Variants in HSD11B1L observed in about 807,000 individuals in gnomAD.
The protein encoded by HSD11B1L is hydroxysteroid 11-beta-dehydrogenase 1-like protein.
A neutral mutation model predicts 27.0 loss-of-function variants in HSD11B1L; 22 were observed. The observed-to-expected ratio is 0.81, with a 90% CI of 0.58 to 1.16. The LOEUF is 1.16. HSD11B1L is among the 50% of genes most tolerant of loss of function. The probability of loss-of-function intolerance (pLI) is 0.00; values close to 1 mark genes in which losing one functional copy is unlikely to be tolerated. For missense variants in HSD11B1L, 372 were observed against 401.8 expected (o/e 0.93, Z 0.63); for synonymous variants, 187 against 189.2 (o/e 0.99, Z 0.09).
Position 5,687,970 on chromosome 19 carries a change from C to G in HSD11B1L, c.*25C>G. ...AGCACCGGGGGGTGCCCCTCCAGTC[C>G]CAGACGGCAATGTTCCTCCCTCCAA... On this transcript the variant is annotated 3_prime_UTR_variant, in exon 8 of 8. Coordinates refer to ENST00000339423, the MANE Select transcript of HSD11B1L (RefSeq NM_198706.3). This position sits in a 1 kb window ranked among gnomAD's most constrained non-coding sequence, Gnocchi z 6.6. The G allele has an allele frequency of 6.4e-7, 1 of 1,554,718 alleles. No individual in the cohort carries two copies. Among genetic ancestry groups the G allele is most frequent in the South Asian group, 1.2e-5 (1 of 84,760 alleles).
In HSD11B1L at chr19:5,688,109, C is replaced by A. The variant is rs768445779; in HGVS notation, c.*164C>A. 10 of 1,551,516 alleles carry A rather than the reference C, an allele frequency of 6.4e-6. No individual in the cohort carries two copies. The South Asian group carries it at 1.2e-4, about 18-fold the overall frequency. On this transcript the variant is annotated 3_prime_UTR_variant, in exon 8 of 8. Transcript: ENST00000339423. ...CGAGAAAAACGACGGGCACCTGGAA[C>A]CAGTCACGGCTTGGGAGGTGCAGGT...
rs564130698 is a variant in HSD11B1L at position 5,685,506 on chromosome 19, G to T, written c.204+387G>T. The T allele has an allele frequency of 1.3e-4, 41 of 309,834 alleles. 1 individual carries two copies. Among genetic ancestry groups the T allele is most frequent in the South Asian group, 9.8e-4 (37 of 37,588 alleles). The allele number at this position is 309,834 out of a possible 1,614,324, so 19.2% of individuals were successfully genotyped here. ...GCGGATGGATCACTTGAGGTCAGGA[G>T]TTCAAAACCAGCCTGGCCAACATGG... On this transcript the variant is annotated intron_variant, in intron 3 of 7. Transcript: ENST00000339423. This position sits in a 1 kb window ranked among gnomAD's most constrained non-coding sequence, Gnocchi z 4.3.
intron 1 of HSD11B1L, among the ~76,000 whole-genome samples, chr19:5,683,324 G>T (rs1048847688): frequency 6.6e-6 from 1 of 151,410 alleles, no homozygotes; most frequent in East Asian, 1.9e-4. Flanking sequence ...TCTGGATGAC[G>T]CAGGCACCTC....
At chr19:5,683,023 G>C (rs888643025) in intron 1 of HSD11B1L, among the ~76,000 whole-genome samples, 1 of 151,734 alleles carries the variant, frequency 6.6e-6, no homozygotes, top group Non-Finnish European at 1.5e-5. Flanking sequence ...TCCATTGGCT[G>C]GGATCACAGG....
Position 5,687,422 on chromosome 19 carries a change from C to T in HSD11B1L, c.502+47C>T. 1 of 1,602,988 alleles carries T rather than the reference C, an allele frequency of 6.2e-7. No homozygotes were observed. The highest frequency in any genetic ancestry group is 8.5e-7 in the Non-Finnish European group (1 of 1,177,710). ...TCTGCGGGACGGGGAGTGGGGAGCT[C>T]GATGCGGGTGAGCCTGGAGGGTCTG... On this transcript the variant is annotated intron_variant, in intron 6 of 7. Coordinates refer to ENST00000339423, the MANE Select transcript of HSD11B1L (RefSeq NM_198706.3). This position sits in a 1 kb window ranked among gnomAD's most constrained non-coding sequence, Gnocchi z 6.6.
chr19:5,684,316 G>T, intron 1 of HSD11B1L: 1 of 334,378 alleles, frequency 3.0e-6, no homozygotes, highest in East Asian at 4.7e-5. Context: ...ACATCCAGCT[G>T]AAGGAGGTCA....
chr19:5,686,383 G>A (rs1355835654), intron 3 of HSD11B1L, 33 bp from the exon 4 acceptor site: 2 of 1,438,022 alleles, frequency 1.4e-6, no homozygotes, highest in Admixed American at 2.2e-5. Context: ...TGCTGTAGAG[G>A]AGAGGCCCAC....
At position 5,686,972 on chromosome 19, in the gene HSD11B1L, CA is replaced by C. The variant is rs1367564581; in HGVS notation, c.391del (p.Thr131LeufsTer7). 7 of 1,549,846 alleles carry C rather than the reference CA, an allele frequency of 4.5e-6. No individual in the cohort carries two copies. In the East Asian group the frequency reaches 1.7e-4, roughly 38 times the overall value. ...GGCACGCGAGCCCGCAGCCCCCAGG[CA>C]ACTCGCTGGCTCATGCAGGTGCTCC... ...PAGTRARSPQ[A>X]TRWLMQVNFV... On this transcript the variant is annotated frameshift_variant, in exon 5 of 8. Transcript: ENST00000339423. LOFTEE classifies it high-confidence loss of function.
rs765889177 is a variant in HSD11B1L at position 5,685,084 on chromosome 19, G to A, written c.169G>A (p.Val57Met). 1.0e-5 allele frequency: 16 copies of A among 1,551,148 alleles called. No individual in the cohort carries two copies. Among genetic ancestry groups the A allele is most frequent in the Non-Finnish European group, 1.4e-5 (16 of 1,147,674 alleles). ...CTACGCGCGTCTGGGCTCCCACCTG[G>A]TGCTCACTGCCCACACTGAGGCTCT... The part of the protein sequence containing the change: ...YHYARLGSHL[V>M]LTAHTEALLQ... The change falls in exon 3 of 8, where the codon GTG (valine) becomes ATG (methionine). Residue 57 changes from valine (V) to methionine (M), a missense_variant. Transcript: ENST00000339423. The surrounding 1 kb of genome is among the most constrained non-coding windows in gnomAD (Gnocchi z 4.3).
At chr19:5,684,218 G>A (rs910934648) in intron 1 of HSD11B1L, 34 of 350,744 alleles carry the variant, frequency 9.7e-5, no homozygotes, top group Admixed American at 3.8e-4. Context: ...GTTTCACCAT[G>A]TTGGCCAGGC....
rs754458782 is a variant in HSD11B1L at position 5,687,546 on chromosome 19, G to C, written c.546G>C (p.Lys182Asn). 6.3e-7 allele frequency: 1 copy of C among 1,599,868 alleles called. No individual in the cohort carries two copies. Among genetic ancestry groups the C allele is most frequent in the African/African-American group, 1.3e-5 (1 of 74,890 alleles). ...TSFSTPYSAAKFALDGFFGSL... is the reference protein window; with the variant it reads ...TSFSTPYSAANFALDGFFGSL... ...TCTCCACTCCCTACTCGGCGGCCAAGTTTGCGCTGGACGGCTTCTTCGGCT... is the reference window on the plus strand; with the variant it reads ...TCTCCACTCCCTACTCGGCGGCCAACTTTGCGCTGGACGGCTTCTTCGGCT... The change falls in exon 7 of 8, where the codon AAG becomes AAC. Residue 182 changes from lysine (K) to asparagine (N), a missense_variant. Coordinates refer to ENST00000339423, the MANE Select transcript of HSD11B1L (RefSeq NM_198706.3). This position sits in a 1 kb window ranked among gnomAD's most constrained non-coding sequence, Gnocchi z 6.6.
At position 5,686,412 on chromosome 19, in the gene HSD11B1L, C is replaced by G. The variant is rs749410243; in HGVS notation, c.205-4C>G. On this transcript the variant is annotated splice_polypyrimidine_tract_variant and splice_region_variant and intron_variant, in intron 3 of 7. Coordinates refer to ENST00000339423, the MANE Select transcript of HSD11B1L (RefSeq NM_198706.3). ...GGCCCACGGGCAGCTCTGGCCCCCC[C>G]CAGGTGGTAGGGAACTGCCGGAAGC... 7 of 1,560,564 alleles carry G rather than the reference C, an allele frequency of 4.5e-6. No homozygotes were observed. Among genetic ancestry groups the G allele is most frequent in the South Asian group, 1.2e-5 (1 of 84,516 alleles).
rs2054734029 is a variant in HSD11B1L at position 5,687,537 on chromosome 19, G to A, written c.537G>A (p.Ser179=). Residue 179 remains serine (S), a synonymous_variant, in exon 7 of 8, where the codon TCG becomes TCA. Coordinates refer to ENST00000339423, the MANE Select transcript of HSD11B1L (RefSeq NM_198706.3). The surrounding 1 kb of genome is among the most constrained non-coding windows in gnomAD (Gnocchi z 6.6). ...CCACGTCGTTCTCCACTCCCTACTC[G>A]GCGGCCAAGTTTGCGCTGGACGGCT... ...RVPTSFSTPY[S]AAKFALDGFF... The A allele has an allele frequency of 6.3e-7, 1 of 1,599,828 alleles. No homozygotes were observed.
At chr19:5,683,538 C>T (rs1036782735) in intron 1 of HSD11B1L, among the ~76,000 whole-genome samples, 4 of 152,316 alleles carry the variant, frequency 2.6e-5, no homozygotes, top group African/African-American at 9.6e-5. Context: ...ATTTCCATTT[C>T]CTTCCTGCCC....
At chr19:5,686,663 C>T (rs1406187123) in intron 4 of HSD11B1L, 136 bp downstream of exon 4, 4 of 704,826 alleles carry the variant, frequency 5.7e-6, no homozygotes, top group Non-Finnish European at 7.0e-6. Flanking sequence ...GGGGCGTGGG[C>T]GGGGTGGAGT....
Position 5,685,316 on chromosome 19 carries a change from G to A in HSD11B1L, c.204+197G>A, listed in dbSNP as rs1022052231. On this transcript the variant is annotated intron_variant, in intron 3 of 7. Transcript: ENST00000339423. This position sits in a 1 kb window ranked among gnomAD's most constrained non-coding sequence, Gnocchi z 4.3. ...TTTCTGGCCAGGCACGGTGGCTCAC[G>A]CTTGTAGTCAGCACTTTGGGAGGCC... 1.6e-5 allele frequency: 12 copies of A among 765,352 alleles called. No homozygotes were observed. Among genetic ancestry groups the A allele is most frequent in the East Asian group, 2.7e-5 (1 of 36,714 alleles). The allele number at this position is 765,352 out of a possible 1,614,324, so 47.4% of individuals were successfully genotyped here. A position where few individuals can be genotyped will look rare whatever the true frequency, so the allele number is the denominator to read the frequency against.
chr19:5,687,700 G>C lies in HSD11B1L; in HGVS notation c.668+32G>C. On this transcript the variant is annotated intron_variant, in intron 7 of 7. Transcript: ENST00000339423. The surrounding 1 kb of genome is among the most constrained non-coding windows in gnomAD (Gnocchi z 6.6). ...CCCGGACAAGCTGGGGGCTGGGCTG[G>C]GGGCCATGGCCCAGCCCCAGCCGCA... is the stretch of plus-strand genomic sequence containing the variant. 6.5e-7 allele frequency: 1 copy of C among 1,536,980 alleles called. No homozygotes were observed. The highest frequency in any genetic ancestry group is 8.7e-7 in the Non-Finnish European group (1 of 1,148,352).
intron 1 of HSD11B1L, among the ~76,000 whole-genome samples, chr19:5,684,549 C>T (rs1177981082): frequency 6.6e-6 from 1 of 151,718 alleles, no homozygotes; most frequent in Non-Finnish European, 1.5e-5. Flanking sequence ...GGTTTTTATT[C>T]TAACTGGAAC....
At chr19:5,681,738 A>G (rs1344274499) in intron 1 of HSD11B1L, among the ~76,000 whole-genome samples, 4 of 148,372 alleles carry the variant, frequency 2.7e-5, no homozygotes, top group Non-Finnish European at 5.9e-5. Context: ...CCACTCATCC[A>G]TCTATCCACC....
Sources: allele counts gnomAD v4.1 joint callset (sites outside exome capture counted in the v4.1 genomes callset), GRCh38; gene constraint gnomAD v4.1.1; non-coding constraint Gnocchi (gnomAD v3.1); transcripts MANE v1.5; gene names NCBI Gene and HGNC (gene_info 2026-07-23, HGNC 2026-07-21).